ARID3B: variants seen among roughly 807,000 people sequenced by gnomAD.
ARID3B encodes the protein AT-rich interactive domain-containing protein 3B.
Under a neutral mutation model 51.9 loss-of-function variants are expected in ARID3B, and 10 were observed. That is an observed-to-expected ratio of 0.19 (90% CI 0.12 to 0.33). The LOEUF is 0.33. Among genes scored for constraint, ARID3B ranks in the 10% least tolerant of loss-of-function variants. The pLI, the probability that ARID3B is intolerant of heterozygous loss-of-function variation, is 1.00. For missense variants in ARID3B, 483 were observed against 716.3 expected (o/e 0.67, Z 3.72); for synonymous variants, 205 against 279.5 (o/e 0.73, Z 2.66).
At position 74,597,307 on chromosome 15, in the gene ARID3B, T is replaced by G. The variant is rs192483092; in HGVS notation, c.*1533T>G. ...GGAATGTTCAGCAGAACACCACCACTGTGACATGGGGCTGTGGCAGTGGGA... is the reference window on the plus strand; with the variant it reads ...GGAATGTTCAGCAGAACACCACCACGGTGACATGGGGCTGTGGCAGTGGGA... On this transcript the variant is annotated 3_prime_UTR_variant, in exon 9 of 9. Coordinates refer to ENST00000346246, the MANE Select transcript of ARID3B (RefSeq NM_006465.4). 13,707 of 411,398 alleles carry G rather than the reference T, an allele frequency of 0.033. 331 individuals carry two copies. The highest frequency in any genetic ancestry group is 0.11 in the Middle Eastern group (149 of 1,400). 25.5% of individuals were successfully genotyped at this position (411,398 alleles called of 1,614,324 possible).
chr15:74,559,107 T>C (rs2061669721), intron 2 of ARID3B, among the ~76,000 whole-genome samples: 2 of 152,192 alleles, frequency 1.3e-5, no homozygotes, highest in African/African-American at 4.8e-5. Flanking sequence ...TGCAGGGGCC[T>C]ACAGCCTGGA....
intron 8 of ARID3B, among the ~76,000 whole-genome samples, chr15:74,593,647 C>T (rs1038853084): frequency 1.3e-5 from 2 of 152,202 alleles, no homozygotes; most frequent in African/African-American, 2.4e-5. Flanking sequence ...CTCCCTGCCC[C>T]CCAGTCTTTT....
Position 74,588,428 on chromosome 15 carries a change from C to T in ARID3B, c.698-1392C>T, listed in dbSNP as rs192847810. Among the ~76,000 whole-genome samples the T allele has an allele frequency of 1.3e-4, 20 of 152,226 alleles. No individual in the cohort carries two copies. In the East Asian group the frequency reaches 3.3e-3, roughly 25 times the overall value. On this transcript the variant is annotated intron_variant, in intron 4 of 8. Coordinates refer to ENST00000346246, the MANE Select transcript of ARID3B (RefSeq NM_006465.4). ...GCGGATGGAGCAGAAACAAACAGCT[C>T]TTCCCTGCTCAGGTTGGTTTAAGGT...
At chr15:74,577,543 CAG>C (rs1448891898) in intron 4 of ARID3B, among the ~76,000 whole-genome samples, 2 of 152,090 alleles carry the variant, frequency 1.3e-5, no homozygotes, top group East Asian at 3.9e-4. Context: ...ATTTTTGAGA[CAG>C]GGTCTCACTC....
chr15:74,561,993 T>C (rs2061680928), intron 2 of ARID3B, among the ~76,000 whole-genome samples: 1 of 146,278 alleles, frequency 6.8e-6, no homozygotes, highest in Non-Finnish European at 1.5e-5. Context: ...ACGTTTAAGG[T>C]AGGCTAGGTT....
intron 2 of ARID3B, among the ~76,000 whole-genome samples, chr15:74,558,080 CA>C (rs1198178647): frequency 6.6e-6 from 1 of 151,938 alleles, no homozygotes; most frequent in East Asian, 1.9e-4. Flanking sequence ...CTCGGCCTCC[CA>C]AAGTGCTGGG....
chr15:74,550,862 G>T (rs2061634599), intron 2 of ARID3B, among the ~76,000 whole-genome samples: 1 of 152,164 alleles, frequency 6.6e-6, no homozygotes, highest in African/African-American at 2.4e-5. Context: ...GTGATTTTAA[G>T]GATATTACAA....
Position 74,573,537 on chromosome 15 carries a change from A to G in ARID3B, c.697+333A>G, listed in dbSNP as rs553631074. ...TACCCTGGACTTCACTTAATCTAGC[A>G]TGTGGGCCTTCTTGTTGGCATATCT... On this transcript the variant is annotated intron_variant, in intron 4 of 8. Transcript: ENST00000346246. 102 of 329,620 alleles carry G rather than the reference A, an allele frequency of 3.1e-4. 3 individuals are homozygous for G. In the South Asian group the frequency reaches 3.5e-3, roughly 11 times the overall value. The allele number at this position is 329,620 out of a possible 1,614,324, so 20.4% of individuals were successfully genotyped here.
At chr15:74,582,358 G>A in intron 4 of ARID3B, among the ~76,000 whole-genome samples, 1 of 152,032 alleles carries the variant, frequency 6.6e-6, no homozygotes. Context: ...AATATAGATG[G>A]GGTGTCACCA....
chr15:74,554,093 G>A (rs941288103), intron 2 of ARID3B, among the ~76,000 whole-genome samples: 4 of 152,046 alleles, frequency 2.6e-5, no homozygotes, highest in Admixed American at 1.3e-4. Context: ...TACGAGCTCC[G>A]CCTCCTGGGT....
At chr15:74,572,798 G>A (rs976070447) in intron 2 of ARID3B, 64 bp from the exon 3 acceptor site, 1 of 1,494,264 alleles carries the variant, frequency 6.7e-7, no homozygotes, top group Admixed American at 1.7e-5. Context: ...TGATTGCCTT[G>A]CCCTCTGTCC....
At position 74,593,163 on chromosome 15, in the gene ARID3B, A is replaced by C. The variant is rs775535148; in HGVS notation, c.1446A>C (p.Ala482=). Residue 482 remains alanine, a synonymous_variant, in exon 8 of 9, where the codon GCA becomes GCC. Coordinates refer to ENST00000346246, the MANE Select transcript of ARID3B (RefSeq NM_006465.4). ...GREDRAEASA[A]ALNLTTSSIG... ...AAGACAGAGCAGAGGCCTCGGCTGC[A>C]GCACTGAACCTGACCACGAGTAGCA... 2.5e-6 allele frequency: 4 copies of C among 1,613,556 alleles called. No individual in the cohort carries two copies. The African/African-American group carries it at 4.0e-5, about 16-fold the overall frequency.
intron 2 of ARID3B, among the ~76,000 whole-genome samples, chr15:74,553,779 C>CT (rs201255285): frequency 3.3e-5 from 5 of 150,904 alleles, no homozygotes; most frequent in African/African-American, 1.2e-4. Flanking sequence ...TTTCTGCCCT[C>CT]TTTTTTTTGT....
intron 4 of ARID3B, among the ~76,000 whole-genome samples, chr15:74,588,964 AACC>A (rs2061792221): frequency 6.6e-6 from 1 of 151,256 alleles, no homozygotes; most frequent in African/African-American, 2.4e-5. Flanking sequence ...GAGAGAAATA[AACC>A]ATTTCTCCAT....
At chr15:74,556,780 T>TTTTG (rs2061659860) in intron 2 of ARID3B, among the ~76,000 whole-genome samples, 1 of 146,702 alleles carries the variant, frequency 6.8e-6, no homozygotes, top group African/African-American at 2.5e-5. Flanking sequence ...TTTTTTGTTT[T>TTTTG]TTTTTTTTTT....
chr15:74,572,999 C>T, intron 3 of ARID3B, 66 bp downstream of exon 3: 1 of 1,599,220 alleles, frequency 6.3e-7, no homozygotes, highest in Non-Finnish European at 8.6e-7. Context: ...CAGCTGATTC[C>T]CAAGAAATAA....
intron 2 of ARID3B, among the ~76,000 whole-genome samples, chr15:74,563,816 C>T (rs1282530412): frequency 1.3e-5 from 2 of 152,218 alleles, no homozygotes; most frequent in African/African-American, 4.8e-5. Context: ...AGGGTGTCCT[C>T]ATCACCAACA....
At chr15:74,559,726 T>C (rs995094873) in intron 2 of ARID3B, among the ~76,000 whole-genome samples, 1 of 152,094 alleles carries the variant, frequency 6.6e-6, no homozygotes, top group Non-Finnish European at 1.5e-5. Flanking sequence ...CTTTTACTTA[T>C]TTTTTCTGAT....
At chr15:74,578,223 G>T (rs952994721) in intron 4 of ARID3B, among the ~76,000 whole-genome samples, 2 of 150,896 alleles carry the variant, frequency 1.3e-5, no homozygotes, top group East Asian at 3.9e-4. Context: ...GCCCAGGCTG[G>T]AGTGTAGTGG....
Sources: allele counts gnomAD v4.1 joint callset (sites outside exome capture counted in the v4.1 genomes callset), GRCh38; gene constraint gnomAD v4.1.1; transcripts MANE v1.5; gene names NCBI Gene and HGNC (gene_info 2026-07-23, HGNC 2026-07-21).